Variants in PDGFD observed in about 807,000 individuals in gnomAD.
PDGFD encodes platelet-derived growth factor D.
A neutral mutation model predicts 44.7 loss-of-function variants in PDGFD; 30 were observed. The observed-to-expected ratio is 0.67, with a 90% confidence interval of 0.50 to 0.91. PDGFD has a LOEUF of 0.91. PDGFD is among the 40% of genes least tolerant of loss of function. The probability of loss-of-function intolerance (pLI) is 0.00; values close to 1 mark genes in which losing one functional copy is unlikely to be tolerated. For synonymous variants in PDGFD, 173 were observed against 168.4 expected (o/e 1.03, Z -0.21); for missense variants, 445 against 457.8 (o/e 0.97, Z 0.25).
chr11:104,090,994 A>G (rs1861204860), intron 1 of PDGFD, among the ~76,000 whole-genome samples: 1 of 152,096 alleles, frequency 6.6e-6, no homozygotes, highest in Admixed American at 6.6e-5. Flanking sequence ...AAGCCCCCCC[A>G]TGCAAACTAC....
rs1857963570 is a variant in PDGFD, at chr11:103,907,969, C to T, written c.*1725G>A. On this transcript the variant is annotated 3_prime_UTR_variant, in exon 7 of 7. Coordinates refer to ENST00000393158, the MANE Select transcript of PDGFD (RefSeq NM_025208.5). The stretch of plus-strand genomic sequence containing the variant: ...TTCAATAAGCAGAGATCTTTCATCT[C>T]AAATAACTGGGAAGAATTGCACTGC... The T allele has an allele frequency of 6.6e-6, 1 of 152,122 alleles. No individual in the cohort carries two copies. Among genetic ancestry groups the T allele is most frequent in the Non-Finnish European group, 1.5e-5 (1 of 68,024 alleles). 9.4% of individuals were successfully genotyped at this position (152,122 alleles called of 1,614,324 possible).
At chr11:103,935,028 C>G (rs1384715883) in intron 5 of PDGFD, among the ~76,000 whole-genome samples, 1 of 152,124 alleles carries the variant, frequency 6.6e-6, no homozygotes, top group East Asian at 1.9e-4. Flanking sequence ...AAAAAATTAG[C>G]ACAGCAAACA....
At chr11:104,119,309 G>A (rs184788052) in intron 1 of PDGFD, among the ~76,000 whole-genome samples, 14 of 15,850 alleles carry the variant, frequency 8.8e-4, no homozygotes, top group African/African-American at 3.1e-3. Context: ...ATAATATATT[G>A]ATATAATATA....
At chr11:103,945,574 A>C (rs1409201338) in intron 4 of PDGFD, 1 of 152,196 alleles carries the variant, frequency 6.6e-6, no homozygotes, top group Non-Finnish European at 1.5e-5. Context: ...AGCACATAAA[A>C]AATCTTTGAA....
chr11:103,992,205 TGAGG>T (rs1859466182), intron 3 of PDGFD, among the ~76,000 whole-genome samples: 1 of 152,186 alleles, frequency 6.6e-6, no homozygotes, highest in South Asian at 2.1e-4. Context: ...TAAAATGAAA[TGAGG>T]CAAATTTTAT....
At chr11:103,977,810 A>C (rs1291245781) in intron 3 of PDGFD, among the ~76,000 whole-genome samples, 1 of 152,080 alleles carries the variant, frequency 6.6e-6, no homozygotes, top group Non-Finnish European at 1.5e-5. Flanking sequence ...AATGGGATCT[A>C]ATATGTACAG....
At chr11:103,951,256 A>G (rs1858750993) in intron 3 of PDGFD, among the ~76,000 whole-genome samples, 1 of 152,174 alleles carries the variant, frequency 6.6e-6, no homozygotes, top group African/African-American at 2.4e-5. Context: ...AAAATAAAAC[A>G]CCGAACCTCC....
intron 1 of PDGFD, among the ~76,000 whole-genome samples, chr11:104,126,966 A>G (rs1358506431): frequency 2.0e-5 from 3 of 152,066 alleles, no homozygotes; most frequent in African/African-American, 7.2e-5. Flanking sequence ...CCTCTCCTCT[A>G]TGAAGTTTTT....
chr11:103,942,964 A>C (rs1045730916), intron 5 of PDGFD, among the ~76,000 whole-genome samples: 9 of 152,094 alleles, frequency 5.9e-5, no homozygotes, highest in Non-Finnish European at 1.3e-4. Context: ...TTTTTATAAG[A>C]TCTCATCCAG....
intron 6 of PDGFD, among the ~76,000 whole-genome samples, chr11:103,919,577 C>T (rs1472718623): frequency 6.9e-6 from 1 of 145,132 alleles, no homozygotes; most frequent in Non-Finnish European, 1.5e-5. Flanking sequence ...GGTGTGATCC[C>T]GGGTCACTGC....
rs1859595141 is a variant in PDGFD, at chr11:103,999,936, C to T, written c.329+115G>A. ...TTTAGGCTTTTTGAAAAAGAAGCGA[C>T]ACATGTTGGGTCCATTTAAAAGGCT... is the stretch of plus-strand genomic sequence containing the variant. On this transcript the variant is annotated intron_variant, in intron 2 of 6. Transcript: ENST00000393158. 4.6e-6 allele frequency: 4 copies of T among 874,304 alleles called. No individual in the cohort carries two copies. In the East Asian group the frequency reaches 1.0e-4, roughly 22 times the overall value. The allele number at this position is 874,304 out of a possible 1,614,324, so 54.2% of individuals were successfully genotyped here. A position where few individuals can be genotyped will look rare whatever the true frequency, so the allele number is the denominator to read the frequency against.
chr11:103,990,222 C>G (rs193248443), intron 3 of PDGFD, among the ~76,000 whole-genome samples: 7 of 152,284 alleles, frequency 4.6e-5, no homozygotes, highest in Admixed American at 4.6e-4. Context: ...GCTAAGGCAC[C>G]AAGAAAATCA....
At chr11:104,018,522 AACCCATG>A (rs1859896944) in intron 1 of PDGFD, among the ~76,000 whole-genome samples, 2 of 152,198 alleles carry the variant, frequency 1.3e-5, no homozygotes, top group Admixed American at 6.5e-5. Context: ...CCTGCAGTCG[AACCCATG>A]ACATGTGATC....
chr11:103,924,610 A>C (rs1338216309), intron 6 of PDGFD, among the ~76,000 whole-genome samples: 1 of 152,184 alleles, frequency 6.6e-6, no homozygotes, highest in African/African-American at 2.4e-5. Flanking sequence ...ACATTTTCCA[A>C]GTTGAAAATA....
intron 1 of PDGFD, among the ~76,000 whole-genome samples, chr11:104,053,280 GA>G (rs1057404051): frequency 2.6e-5 from 4 of 152,118 alleles, no homozygotes; most frequent in African/African-American, 9.7e-5. Context: ...TTTCTCCAAG[GA>G]GATATTATTT....
intron 3 of PDGFD, among the ~76,000 whole-genome samples, chr11:103,974,227 G>A (rs2134346548): frequency 6.6e-6 from 1 of 152,274 alleles, no homozygotes; most frequent in African/African-American, 2.4e-5. Context: ...GAAGAGAAGA[G>A]ACAATGCCTA....
intron 5 of PDGFD, among the ~76,000 whole-genome samples, chr11:103,940,900 T>C (rs1858573678): frequency 6.6e-6 from 1 of 152,144 alleles, no homozygotes; most frequent in African/African-American, 2.4e-5. Context: ...TGAATGCTCT[T>C]GCAAGGTTAT....
At chr11:103,924,155 T>A (rs989549186) in intron 6 of PDGFD, among the ~76,000 whole-genome samples, 1 of 152,300 alleles carries the variant, frequency 6.6e-6, no homozygotes, top group Non-Finnish European at 1.5e-5. Flanking sequence ...CCACAATAAG[T>A]AATTTTTTAA....
At chr11:103,922,221 TA>T (rs1287569143) in intron 6 of PDGFD, among the ~76,000 whole-genome samples, 3 of 152,218 alleles carry the variant, frequency 2.0e-5, no homozygotes, top group Non-Finnish European at 2.9e-5. Context: ...CTTCCTTCAT[TA>T]TACACTATCA....
Sources: allele counts gnomAD v4.1 joint callset (sites outside exome capture counted in the v4.1 genomes callset), GRCh38; gene constraint gnomAD v4.1.1; transcripts MANE v1.5; gene names NCBI Gene and HGNC (gene_info 2026-07-23, HGNC 2026-07-21).